STK32B: variants seen among roughly 807,000 people sequenced by gnomAD.
STK32B encodes the protein serine/threonine-protein kinase 32B.
Under a neutral mutation model 52.6 loss-of-function variants are expected in STK32B, and 43 were observed. That is an observed-to-expected ratio of 0.82 (90% CI 0.64 to 1.05). The LOEUF is 1.05. STK32B is among the 50% of genes least tolerant of loss of function. The pLI is 0.00. For missense variants in STK32B, 621 were observed against 534.6 expected (o/e 1.16, Z -1.59); for synonymous variants, 238 against 204.3 (o/e 1.17, Z -1.41).
chr4:5,401,791 A>G (rs1737307387), intron 5 of STK32B, among the ~76,000 whole-genome samples: 1 of 152,234 alleles, frequency 6.6e-6, no homozygotes, highest in Non-Finnish European at 1.5e-5. Context: ...AAAGCTGGGT[A>G]ATGAACCACA....
In STK32B at chr4:5,394,568, A is replaced by G. The variant is rs986675623; in HGVS notation, c.435-3639A>G. Reference sequence around the variant, plus strand: ...CATCTGCCCAGCAGTCTCCTGTGAAAGAGACCTAATTTGCTAAAGGCTCAA... The same window carrying G: ...CATCTGCCCAGCAGTCTCCTGTGAAGGAGACCTAATTTGCTAAAGGCTCAA... On this transcript the variant is annotated intron_variant, in intron 4 of 11. Transcript: ENST00000282908. This position sits in a 1 kb window ranked among gnomAD's most constrained non-coding sequence, Gnocchi z 4.2. 6.6e-6 allele frequency among the ~76,000 whole-genome samples: 1 copy of G among 152,236 alleles called. No homozygotes were observed. Among genetic ancestry groups the G allele is most frequent in the African/African-American group, 2.4e-5 (1 of 41,466 alleles).
chr4:5,108,999 G>A (rs1714254031), intron 1 of STK32B, among the ~76,000 whole-genome samples: 1 of 152,184 alleles, frequency 6.6e-6, no homozygotes, highest in Non-Finnish European at 1.5e-5. Flanking sequence ...CTCTGTTACT[G>A]ACCTGCCAAA....
intron 1 of STK32B, among the ~76,000 whole-genome samples, chr4:5,098,104 T>G: frequency 6.6e-6 from 1 of 152,214 alleles, no homozygotes; most frequent in Non-Finnish European, 1.5e-5. Context: ...CATTATATTT[T>G]ATTGGTCAAA....
At chr4:5,237,579 C>G (rs974728063) in intron 3 of STK32B, among the ~76,000 whole-genome samples, 6 of 152,200 alleles carry the variant, frequency 3.9e-5, no homozygotes, top group East Asian at 1.9e-4. Context: ...GACAACAAAT[C>G]TAGGATGAGG....
intron 4 of STK32B, among the ~76,000 whole-genome samples, chr4:5,383,076 C>T (rs1283491132): frequency 6.6e-6 from 1 of 152,204 alleles, no homozygotes; most frequent in Admixed American, 6.5e-5. Context: ...AACCAGGGCT[C>T]CCACATTTCT....
chr4:5,153,627 C>A (rs1530611), intron 2 of STK32B, among the ~76,000 whole-genome samples: 49,279 of 151,876 alleles, frequency 0.32, 9,418 homozygotes, highest in Non-Finnish European at 0.44. Context: ...AATGCTTTTC[C>A]AAAGTAGAAA....
At chr4:5,220,358 A>G (rs1338048376) in intron 3 of STK32B, among the ~76,000 whole-genome samples, 2 of 152,218 alleles carry the variant, frequency 1.3e-5, no homozygotes, top group African/African-American at 4.8e-5. Context: ...ATGATTGGCA[A>G]GAAATCCTAG....
Position 5,222,813 on chromosome 4 carries a change from T to TA in STK32B, c.260+54370dup, listed in dbSNP as rs201280476. Among the ~76,000 whole-genome samples, 900 of 152,190 alleles carry TA rather than the reference T, an allele frequency of 5.9e-3. 4 individuals are homozygous for TA. Among genetic ancestry groups the TA allele is most frequent in the African/African-American group, 0.02 (814 of 41,534 alleles). On this transcript the variant is annotated intron_variant, in intron 3 of 11. Coordinates refer to ENST00000282908, the MANE Select transcript of STK32B (RefSeq NM_018401.3). ...ATTCTCAGCCTGGCCATGTATACAG[T>TA]AAAAAAATGTGGTTAGGAGAACAAA...
chr4:5,179,183 G>A (rs1346031181), intron 3 of STK32B, among the ~76,000 whole-genome samples: 1 of 152,220 alleles, frequency 6.6e-6, no homozygotes, highest in African/African-American at 2.4e-5. Context: ...GATTGAGTGA[G>A]TGCCAGTGGG....
At chr4:5,209,399 T>C (rs1722774903) in intron 3 of STK32B, among the ~76,000 whole-genome samples, 1 of 151,930 alleles carries the variant, frequency 6.6e-6, no homozygotes, top group Non-Finnish European at 1.5e-5. Context: ...TTTTTTTGTA[T>C]TTTTTGTAGA....
chr4:5,108,592 A>T (rs978145327), intron 1 of STK32B, among the ~76,000 whole-genome samples: 4 of 152,216 alleles, frequency 2.6e-5, no homozygotes, highest in Admixed American at 1.3e-4. Context: ...ATCAGAACTT[A>T]AAGATTTATT....
intron 1 of STK32B, among the ~76,000 whole-genome samples, chr4:5,055,885 T>C (rs1669349572): frequency 6.6e-6 from 1 of 152,130 alleles, no homozygotes; most frequent in Non-Finnish European, 1.5e-5. Flanking sequence ...TTGTGGAAAT[T>C]ATCACCATCT....
chr4:5,291,063 A>C (rs961403207), intron 3 of STK32B, among the ~76,000 whole-genome samples: 4 of 152,088 alleles, frequency 2.6e-5, no homozygotes, highest in African/African-American at 9.7e-5. Context: ...ATCCTTATTT[A>C]TGCCAATGCC....
chr4:5,247,842 T>A (rs867044438), intron 3 of STK32B, among the ~76,000 whole-genome samples: 2 of 152,190 alleles, frequency 1.3e-5, no homozygotes, highest in African/African-American at 2.4e-5. Flanking sequence ...CTGCCCTATG[T>A]CTGAGTCAGT....
At chr4:5,486,977 T>A (rs183369332) in intron 11 of STK32B, among the ~76,000 whole-genome samples, 1 of 152,224 alleles carries the variant, frequency 6.6e-6, no homozygotes. Flanking sequence ...AGTCTTAGAA[T>A]TGCAGCAGGT....
the STK32B span, among the ~76,000 whole-genome samples, chr4:5,043,847 TC>T: frequency 6.6e-6 from 1 of 152,256 alleles, no homozygotes; most frequent in Non-Finnish European, 1.5e-5. Context: ...GGGCTACCTG[TC>T]TTCTCGGGCT....
At chr4:5,225,173 C>T (rs1442825722) in intron 3 of STK32B, among the ~76,000 whole-genome samples, 1 of 152,078 alleles carries the variant, frequency 6.6e-6, no homozygotes, top group Admixed American at 6.6e-5. Context: ...AATCCCAGCA[C>T]TTTGGGAGGC....
At chr4:5,497,443 C>T (rs1467860716) in intron 11 of STK32B, among the ~76,000 whole-genome samples, 3 of 152,256 alleles carry the variant, frequency 2.0e-5, no homozygotes, top group African/African-American at 7.2e-5. Flanking sequence ...AGCCTCCCAG[C>T]TCTGTCCTCT....
the STK32B span, among the ~76,000 whole-genome samples, chr4:5,024,547 C>T: frequency 1.3e-5 from 2 of 152,228 alleles, no homozygotes; most frequent in Non-Finnish European, 1.5e-5. Context: ...AAAGCCAGGC[C>T]CTGTCCTGAG....
Sources: gnomAD v4.1 joint callset for allele counts (sites outside exome capture counted in the v4.1 genomes callset) on GRCh38, gnomAD v4.1.1 for gene constraint, Gnocchi (gnomAD v3.1) non-coding constraint, MANE v1.5 for transcripts, NCBI Gene and HGNC (gene_info 2026-07-23, HGNC 2026-07-21) for gene names.